PDE4D: variants seen among roughly 807,000 people sequenced by gnomAD.
PDE4D encodes phosphodiesterase 4D.
PDE4D carries 24 observed loss-of-function variants against 87.4 expected under a neutral mutation model. The ratio of observed to expected loss-of-function variants is 0.27; its 90% confidence interval spans 0.20 to 0.39. The LOEUF (loss-of-function observed/expected upper bound fraction) is 0.39, where lower values mean the gene tolerates loss of function less well. PDE4D is among the 10% of genes least tolerant of loss of function. The pLI is 1.00. For synonymous variants in PDE4D, 384 were observed against 383.2 expected (o/e 1.00, Z -0.02); for missense variants, 714 against 1,041.0 (o/e 0.69, Z 4.32).
chr5:59,443,503 C>T (rs1797937337), intron 1 of PDE4D, among the ~76,000 whole-genome samples: 1 of 152,148 alleles, frequency 6.6e-6, no homozygotes, highest in South Asian at 2.1e-4. Context: ...TCTCGTTCTC[C>T]TTTCCAATAC....
intron 3 of PDE4D, among the ~76,000 whole-genome samples, chr5:59,952,210 T>C (rs1581883605): frequency 1.3e-5 from 2 of 152,260 alleles, no homozygotes; most frequent in South Asian, 2.1e-4. Context: ...TCCTCCATGA[T>C]TGTAAGTTTC....
In PDE4D at chr5:59,974,401, T is replaced by C. The variant is rs530674980; in HGVS notation, c.272+14087A>G. On this transcript the variant is annotated intron_variant, in intron 3 of 16. Coordinates refer to the PDE4D transcript ENST00000502484. ...TAAACTAATACTTTGAAAATGATAA[T>C]TCATATTTTTTAAAAAATCAGATCC... Among the ~76,000 whole-genome samples, 8 of 152,276 alleles carry C rather than the reference T, an allele frequency of 5.3e-5. No homozygotes were observed. In the South Asian group the frequency reaches 1.7e-3, roughly 32 times the overall value.
In PDE4D at chr5:60,360,097, T is replaced by C. The variant is rs193180730; in HGVS notation, c.-90+127845A>G. Among the ~76,000 whole-genome samples, 176 of 152,256 alleles carry C rather than the reference T, an allele frequency of 1.2e-3. 1 individual carries two copies. Among genetic ancestry groups the C allele is most frequent in the Non-Finnish European group, 1.2e-3 (84 of 68,008 alleles). ...TTGAAATGTCCCCATAGAGCTAAAG[T>C]GGATGTGATTTGTTGCTAGGGCACA... On this transcript the variant is annotated intron_variant, in intron 1 of 16. Coordinates refer to the PDE4D transcript ENST00000502484.
chr5:60,101,434 A>G (rs1393626303), intron 2 of PDE4D, among the ~76,000 whole-genome samples: 1 of 152,138 alleles, frequency 6.6e-6, no homozygotes, highest in Non-Finnish European at 1.5e-5. Context: ...ACCAATGGCC[A>G]AGCATTATGC....
rs35943138 is a variant in PDE4D, at chr5:59,931,694, C to CTTTTTTT, written c.272+56787_272+56793dup. ...CTATACTGACACTTTTCTTCTTCTT[C>CTTTTTTT]TTTTTTTTTTTTTTTTTTCTTTTTT... On this transcript the variant is annotated intron_variant, in intron 3 of 16. Transcript: ENST00000502484. Among the ~76,000 whole-genome samples, 29 of 126,572 alleles carry CTTTTTTT rather than the reference C, an allele frequency of 2.3e-4. 1 individual carries two copies. Among genetic ancestry groups the CTTTTTTT allele is most frequent in the East Asian group, 4.6e-4 (2 of 4,340 alleles). 83.0% of individuals were successfully genotyped at this position (126,572 alleles called of 152,430 possible).
intron 1 of PDE4D, among the ~76,000 whole-genome samples, chr5:59,805,316 A>T (rs761538203): frequency 6.6e-6 from 1 of 152,184 alleles, no homozygotes; most frequent in Non-Finnish European, 1.5e-5. Context: ...AAGTTAGTAG[A>T]TAGATATCAC....
At chr5:59,198,808 A>G in intron 2 of PDE4D, among the ~76,000 whole-genome samples, 1 of 152,198 alleles carries the variant, frequency 6.6e-6, no homozygotes, top group South Asian at 2.1e-4. Context: ...ATAAGGAAAC[A>G]GAAACAAGCA....
intron 1 of PDE4D, among the ~76,000 whole-genome samples, chr5:59,830,228 G>C (rs144597683): frequency 6.6e-6 from 1 of 152,122 alleles, no homozygotes; most frequent in East Asian, 1.9e-4. Flanking sequence ...AGAGAGACAG[G>C]CTCCCTTGCT....
chr5:59,760,975 T>A (rs894138169), intron 1 of PDE4D, among the ~76,000 whole-genome samples: 2 of 152,196 alleles, frequency 1.3e-5, no homozygotes, highest in African/African-American at 4.8e-5. Context: ...TTGCTTATTC[T>A]AAGTTCTGAG....
chr5:60,270,928 T>A (rs1319885841), intron 1 of PDE4D, among the ~76,000 whole-genome samples: 1 of 152,218 alleles, frequency 6.6e-6, no homozygotes, highest in African/African-American at 2.4e-5. Flanking sequence ...GAATTTCTGA[T>A]AAGATTCTTT....
At chr5:59,312,553 A>C (rs1317441865) in intron 1 of PDE4D, among the ~76,000 whole-genome samples, 1 of 152,176 alleles carries the variant, frequency 6.6e-6, no homozygotes, top group Non-Finnish European at 1.5e-5. Context: ...GGCCAAATGG[A>C]AATCCTATAG....
intron 1 of PDE4D, chr5:59,528,924 CA>C: frequency 2.5e-6 from 1 of 401,846 alleles, no homozygotes. Context: ...TCGACTCAGC[CA>C]AATATGACAT....
At chr5:58,994,499 G>A (rs1748701761) in intron 6 of PDE4D, among the ~76,000 whole-genome samples, 2 of 151,770 alleles carry the variant, frequency 1.3e-5, no homozygotes, top group African/African-American at 4.8e-5. Flanking sequence ...TTAGATACTT[G>A]ACAAAAAAAA....
intron 3 of PDE4D, among the ~76,000 whole-genome samples, chr5:59,917,549 C>T (rs982645341): frequency 2.6e-5 from 4 of 152,266 alleles, no homozygotes; most frequent in Admixed American, 1.3e-4. Context: ...AAATTTATAA[C>T]CTATAATATA....
At chr5:60,204,605 A>AT (rs1168838379) in intron 1 of PDE4D, among the ~76,000 whole-genome samples, 1 of 146,384 alleles carries the variant, frequency 6.8e-6, no homozygotes, top group Non-Finnish European at 1.6e-5. Context: ...TAATCACATG[A>AT]TTTTCCCAAA....
At chr5:59,239,594 G>A (rs559813462) in intron 1 of PDE4D, among the ~76,000 whole-genome samples, 3 of 152,272 alleles carry the variant, frequency 2.0e-5, no homozygotes, top group Non-Finnish European at 2.9e-5. Flanking sequence ...AAGCAATGGT[G>A]CTAAGAGAAG....
At chr5:60,422,436 G>T (rs1743207993) in intron 1 of PDE4D, among the ~76,000 whole-genome samples, 1 of 152,142 alleles carries the variant, frequency 6.6e-6, no homozygotes, top group Admixed American at 6.6e-5. Context: ...TTCATATCCA[G>T]CCAAACTAAG....
chr5:59,913,184 T>C (rs547780310), intron 3 of PDE4D, among the ~76,000 whole-genome samples: 7 of 152,328 alleles, frequency 4.6e-5, no homozygotes, highest in East Asian at 3.9e-4. Context: ...ATATGGAAGG[T>C]ATTGGACAAG....
intron 2 of PDE4D, among the ~76,000 whole-genome samples, chr5:60,026,428 G>A (rs910388644): frequency 3.9e-5 from 6 of 152,036 alleles, no homozygotes; most frequent in African/African-American, 1.4e-4. Context: ...CATTCCTCAT[G>A]CACAGATCAT....
Sources: gnomAD v4.1 joint callset for allele counts (sites outside exome capture counted in the v4.1 genomes callset) on GRCh38, gnomAD v4.1.1 for gene constraint, MANE v1.5 for transcripts, NCBI Gene and HGNC (gene_info 2026-07-23, HGNC 2026-07-21) for gene names.